Variants in ZNF626 observed in about 807,000 individuals in gnomAD.
ZNF626 encodes the protein CTC-513N18.7.
In ZNF626, 4 loss-of-function variants were observed where a neutral mutation model predicts 11.7. The observed-to-expected ratio is 0.34, with a 90% CI of 0.17 to 0.78. The LOEUF (loss-of-function observed/expected upper bound fraction) is 0.78. Ranked by LOEUF, ZNF626 falls within the 30% of genes least tolerant of loss-of-function variation. The pLI is 0.57. For missense variants in ZNF626, 588 were observed against 587.1 expected (o/e 1.00, Z -0.01); for synonymous variants, 179 against 198.6 (o/e 0.90, Z 0.83).
chr19:20,646,267 A>C lies in ZNF626; in HGVS notation c.130+12T>G. 1 of 1,612,242 alleles carries C rather than the reference A, an allele frequency of 6.2e-7. No homozygotes were observed. The highest frequency in any genetic ancestry group is 2.2e-5 in the East Asian group (1 of 44,838). ...ATCTATAGGGTATATTATGTACTCA[A>C]GTTATCCTCACCAAGGAAGACCAGG... On this transcript the variant is annotated intron_variant, in intron 2 of 3. Coordinates refer to ENST00000601440, the MANE Select transcript of ZNF626 (RefSeq NM_001076675.3).
At chr19:20,652,380 C>T (rs782111888) in intron 1 of ZNF626, among the ~76,000 whole-genome samples, 6 of 150,066 alleles carry the variant, frequency 4.0e-5, no homozygotes, top group African/African-American at 7.4e-5. Context: ...ATATAACCTG[C>T]GAGCAAAGAT....
chr19:20,640,972 T>TA (rs1970018298), intron 3 of ZNF626, among the ~76,000 whole-genome samples: 1 of 151,830 alleles, frequency 6.6e-6, no homozygotes, highest in Non-Finnish European at 1.5e-5. Context: ...CTGTCTCTAC[T>TA]AAAAATACAA....
chr19:20,653,623 T>C (rs1410547693), intron 1 of ZNF626, among the ~76,000 whole-genome samples: 1 of 142,080 alleles, frequency 7.0e-6, no homozygotes, highest in Non-Finnish European at 1.5e-5. Flanking sequence ...AGTGAGACTC[T>C]GTCCCCTGCC....
chr19:20,624,676 C>G lies in ZNF626; in HGVS notation c.1201G>C (p.Glu401Gln), dbSNP rs939476950. ...GAGTACTTAAAAGCTTTGCCACATT[C>G]TTCACATTTGTAGGGTTTCTCTCCA... is the stretch of plus-strand genomic sequence containing the variant. ...HTGEKPYKCE[E>Q]CGKAFKYSSN... Residue 401 changes from glutamate to glutamine, a missense_variant, in exon 4 of 4, where the codon GAA becomes CAA. Around this residue, in one of 4 missense-constraint regions of ZNF626, gnomAD observed 524 missense variants for 470.1 expected, o/e 1.11. Coordinates refer to ENST00000601440, the MANE Select transcript of ZNF626 (RefSeq NM_001076675.3). 1 of 1,611,838 alleles carries G rather than the reference C, an allele frequency of 6.2e-7. No homozygotes were observed. The highest frequency in any genetic ancestry group is 8.5e-7 in the Non-Finnish European group (1 of 1,179,200).
intron 1 of ZNF626, among the ~76,000 whole-genome samples, chr19:20,656,236 T>C (rs1422683273): frequency 1.3e-5 from 2 of 152,170 alleles, no homozygotes; most frequent in African/African-American, 2.4e-5. Context: ...CCTAGCACTA[T>C]GTAGAAGACT....
chr19:20,632,159 CT>C (rs1266391705), intron 3 of ZNF626, among the ~76,000 whole-genome samples: 4 of 152,206 alleles, frequency 2.6e-5, no homozygotes, highest in African/African-American at 9.6e-5. Context: ...AAGAGATCAG[CT>C]GTTAGTCTGC....
intron 1 of ZNF626, among the ~76,000 whole-genome samples, chr19:20,649,823 C>A (rs1330618318): frequency 2.6e-5 from 4 of 151,064 alleles, no homozygotes; most frequent in Non-Finnish European, 5.9e-5. Flanking sequence ...ATGTTGCTCC[C>A]CCCGCCCCTT....
chr19:20,659,734 TA>T (rs1368393350), intron 1 of ZNF626, among the ~76,000 whole-genome samples: 3 of 150,596 alleles, frequency 2.0e-5, no homozygotes, highest in African/African-American at 7.4e-5. Context: ...TTTTTTTACA[TA>T]AATCTAATAT....
At position 20,625,589 on chromosome 19, in the gene ZNF626, T is replaced by C. The variant is rs782299944; in HGVS notation, c.288A>G (p.Gln96=). 6.9e-6 allele frequency: 11 copies of C among 1,602,030 alleles called. No homozygotes were observed. Among genetic ancestry groups the C allele is most frequent in the African/African-American group, 1.3e-5 (1 of 74,320 alleles). Residue 96 remains glutamine, a synonymous_variant, in exon 4 of 4, where the codon CAA becomes CAG. Coordinates refer to ENST00000601440, the MANE Select transcript of ZNF626 (RefSeq NM_001076675.3). The part of the protein sequence containing the change: ...WPEQSMKDSF[Q]KVVLRRYEKC... ...TTTCATATCTTCTCAGTACCACTTT[T>C]TGGAAAGAATCTTTCATGCTCTGCT...
intron 1 of ZNF626, among the ~76,000 whole-genome samples, chr19:20,655,294 T>G (rs782577377): frequency 7.9e-5 from 12 of 152,174 alleles, no homozygotes; most frequent in Admixed American, 3.3e-4. Flanking sequence ...AAATATTGGA[T>G]AGTTACCTTG....
chr19:20,632,574 T>A (rs1026792454), intron 3 of ZNF626, among the ~76,000 whole-genome samples: 5 of 152,238 alleles, frequency 3.3e-5, no homozygotes, highest in African/African-American at 4.8e-5. Context: ...TTCCAGTTGA[T>A]CGCATCGGCT....
chr19:20,632,089 T>C (rs1306133940), intron 3 of ZNF626, among the ~76,000 whole-genome samples: 2 of 152,298 alleles, frequency 1.3e-5, no homozygotes, highest in African/African-American at 4.8e-5. Flanking sequence ...TTGAAAATTC[T>C]TTTCTTTAAA....
chr19:20,625,049 C>A lies in ZNF626; in HGVS notation c.828G>T (p.Glu276Asp). Reference sequence around the variant, plus strand: ...AGGGTTTCTTTTCCGTATGAATTATCTCATGTTTACTAAGGGTTGAGGATG... The same window carrying A: ...AGGGTTTCTTTTCCGTATGAATTATATCATGTTTACTAAGGGTTGAGGATG... ...FMSSSTLSKH[E>D]IIHTEKKPYK... is the part of the protein sequence containing the mutation. Residue 276 changes from glutamate to aspartate, a missense_variant, in exon 4 of 4, where the codon GAG becomes GAT. Physicochemically the swap from Glu to Asp is conservative, Grantham distance 45. Around this residue, in one of 4 missense-constraint regions of ZNF626, gnomAD observed 524 missense variants for 470.1 expected, o/e 1.11. Transcript: ENST00000601440. 1 of 1,613,748 alleles carries A rather than the reference C, an allele frequency of 6.2e-7. No individual in the cohort carries two copies. The highest frequency in any genetic ancestry group is 8.5e-7 in the Non-Finnish European group (1 of 1,179,976).
chr19:20,655,165 A>G (rs1555772968), intron 1 of ZNF626, among the ~76,000 whole-genome samples: 1 of 152,074 alleles, frequency 6.6e-6, no homozygotes, highest in East Asian at 1.9e-4. Flanking sequence ...ATTATCTACA[A>G]AGATAACTGC....
chr19:20,625,661 C>G lies in ZNF626; in HGVS notation c.227-11G>C, dbSNP rs1555769588. 5.3e-6 allele frequency: 8 copies of G among 1,517,188 alleles called. No individual in the cohort carries two copies. Among genetic ancestry groups the G allele is most frequent in the South Asian group, 2.8e-5 (2 of 72,100 alleles). The allele number at this position is 1,517,188 out of a possible 1,614,324, so 94.0% of individuals were successfully genotyped here. A position where few individuals can be genotyped will look rare whatever the true frequency, so the allele number is the denominator to read the frequency against. On this transcript the variant is annotated splice_polypyrimidine_tract_variant and intron_variant, in intron 3 of 3. Coordinates refer to ENST00000601440, the MANE Select transcript of ZNF626 (RefSeq NM_001076675.3). ...AATGAGAACACATTACTGAAAGAAA[C>G]AATAAAAACACATTACTTCAATTGG...
At chr19:20,631,753 C>G (rs1385157207) in intron 3 of ZNF626, among the ~76,000 whole-genome samples, 3 of 151,294 alleles carry the variant, frequency 2.0e-5, no homozygotes, top group Non-Finnish European at 4.4e-5. Flanking sequence ...ATTTGCCAGT[C>G]TGTGTCTTTT....
chr19:20,627,877 C>T (rs1969857653), intron 3 of ZNF626, among the ~76,000 whole-genome samples: 1 of 152,294 alleles, frequency 6.6e-6, no homozygotes, highest in South Asian at 2.1e-4. Flanking sequence ...GTGTTGCACC[C>T]ATTAACTCGT....
chr19:20,638,113 A>G, intron 3 of ZNF626, among the ~76,000 whole-genome samples: 1 of 152,064 alleles, frequency 6.6e-6, no homozygotes, highest in East Asian at 1.9e-4. Flanking sequence ...TGGTTGACAG[A>G]GTGAGGCCCT....
At position 20,623,052 on chromosome 19, in the gene ZNF626, G is replaced by A. The variant is rs1416144855; in HGVS notation, c.*1238C>T. 2.6e-5 allele frequency: 4 copies of A among 151,934 alleles called. No individual in the cohort carries two copies. Among genetic ancestry groups the A allele is most frequent in the African/African-American group, 9.7e-5 (4 of 41,352 alleles). 9.4% of individuals were successfully genotyped at this position (151,934 alleles called of 1,614,324 possible). On this transcript the variant is annotated 3_prime_UTR_variant, in exon 4 of 4. Coordinates refer to ENST00000601440, the MANE Select transcript of ZNF626 (RefSeq NM_001076675.3). ...AATAAACCTCCTGTATATTTGTAAT[G>A]GTTGTCTTCAGAATAAATACTCTTC...
Sources: allele counts gnomAD v4.1 joint callset (sites outside exome capture counted in the v4.1 genomes callset), GRCh38; gene constraint gnomAD v4.1.1; regional missense constraint gnomAD v4.1.1; transcripts MANE v1.5; gene names NCBI Gene and HGNC (gene_info 2026-07-23, HGNC 2026-07-21).